The following YEATS2 variants were observed in gnomAD, a reference collection of about 807,000 sequenced individuals.
The protein encoded by YEATS2 is YEATS domain-containing protein 2.
YEATS2 carries 77 observed loss-of-function variants against 163.2 expected under a neutral mutation model. That is an observed-to-expected ratio of 0.47 (90% CI 0.39 to 0.57). The LOEUF is 0.57. Among genes scored for constraint, YEATS2 ranks in the 20% least tolerant of loss-of-function variants. YEATS2 has a pLI of 0.00. For missense variants in YEATS2, 1,549 were observed against 1,729.8 expected (o/e 0.90, Z 1.85); for synonymous variants, 631 against 645.1 (o/e 0.98, Z 0.33).
chr3:183,709,137 G>A (rs1577031885), intron 1 of YEATS2, among the ~76,000 whole-genome samples: 1 of 151,890 alleles, frequency 6.6e-6, no homozygotes, highest in African/African-American at 2.4e-5. Flanking sequence ...TCCAGCCTGG[G>A]CGACAAAAGT....
intron 22 of YEATS2, 58 bp from the exon 23 acceptor site, chr3:183,798,833 C>T: frequency 7.4e-7 from 1 of 1,345,786 alleles, no homozygotes; most frequent in Non-Finnish European, 1.1e-6. Flanking sequence ...AAGTAGATCA[C>T]CCTCATTAAA....
chr3:183,800,525 G>A lies in YEATS2; in HGVS notation c.3385G>A (p.Val1129Met), dbSNP rs1005157110. The change falls in exon 24 of 31, where the codon GTG becomes ATG. Residue 1129 changes from valine (V) to methionine (M), a missense_variant. Val to Met is a conservative substitution (Grantham distance 21, BLOSUM62 1). Transcript: ENST00000305135. ...SCLSQEGQTAVKTEESSELGN... is the reference protein window; with the variant it reads ...SCLSQEGQTAMKTEESSELGN... Reference sequence around the variant, plus strand: ...CCTCTCTCAGGAGGGTCAGACAGCAGTGAAAACAGAAGAAAGTTCTGAGCT... The same window carrying A: ...CCTCTCTCAGGAGGGTCAGACAGCAATGAAAACAGAAGAAAGTTCTGAGCT... 6.2e-7 allele frequency: 1 copy of A among 1,614,190 alleles called. No individual in the cohort carries two copies. Among genetic ancestry groups the A allele is most frequent in the Non-Finnish European group, 8.5e-7 (1 of 1,180,024 alleles).
intron 7 of YEATS2, among the ~76,000 whole-genome samples, chr3:183,733,715 T>C (rs2109140762): frequency 6.6e-6 from 1 of 152,360 alleles, no homozygotes; most frequent in African/African-American, 2.4e-5. Context: ...CCTGAATCTC[T>C]TCATCACAGC....
intron 8 of YEATS2, among the ~76,000 whole-genome samples, chr3:183,743,212 T>C (rs1560260502): frequency 6.6e-6 from 1 of 152,152 alleles, no homozygotes; most frequent in Non-Finnish European, 1.5e-5. Context: ...CTTTGAAAGG[T>C]AGAAAAATAA....
rs1726810278 is a variant in YEATS2 at position 183,811,666 on chromosome 3, G to A, written c.*1083G>A. On this transcript the variant is annotated 3_prime_UTR_variant, in exon 31 of 31. Coordinates refer to ENST00000305135, the MANE Select transcript of YEATS2 (RefSeq NM_018023.5). ...AAGCAGAGGCCCCCTCGATGGGAGG[G>A]AGTGGCAGGCAGGAGAAGGTGGCGC... 1 of 152,534 alleles carries A rather than the reference G, an allele frequency of 6.6e-6. No homozygotes were observed. Among genetic ancestry groups the A allele is most frequent in the Non-Finnish European group, 1.5e-5 (1 of 68,108 alleles). The allele number at this position is 152,534 out of a possible 1,614,324, so 9.4% of individuals were successfully genotyped here. A position where few individuals can be genotyped will look rare whatever the true frequency, so the allele number is the denominator to read the frequency against.
At chr3:183,706,909 C>T (rs1355074950) in intron 1 of YEATS2, among the ~76,000 whole-genome samples, 1 of 152,122 alleles carries the variant, frequency 6.6e-6, no homozygotes, top group African/African-American at 2.4e-5. Context: ...CAACATGATG[C>T]CACAGTGGAA....
Position 183,776,026 on chromosome 3 carries a change from G to A in YEATS2, c.2480G>A (p.Gly827Glu), listed in dbSNP as rs750359164. 2.0e-5 allele frequency: 33 copies of A among 1,613,284 alleles called. No individual in the cohort carries two copies. Among genetic ancestry groups the A allele is most frequent in the Non-Finnish European group, 2.8e-5 (33 of 1,179,838 alleles). Residue 827 changes from glycine to glutamate, a missense_variant, in exon 18 of 31, where the codon GGA becomes GAA. Physicochemically the swap from Gly to Glu is moderately conservative, Grantham distance 98. Coordinates refer to ENST00000305135, the MANE Select transcript of YEATS2 (RefSeq NM_018023.5). ...GGAGGCGGCAGCACAGGAGGAGGAG[G>A]AGGAACAGCAGGAGGAGGAACTCAA... is the stretch of plus-strand genomic sequence containing the variant. ...SGGGGSTGGGGGTAGGGTQST... is the reference protein window; with the variant it reads ...SGGGGSTGGGEGTAGGGTQST...
intron 20 of YEATS2, among the ~76,000 whole-genome samples, chr3:183,788,998 G>GT (rs1724335084): frequency 1.3e-5 from 2 of 152,120 alleles, no homozygotes; most frequent in South Asian, 4.1e-4. Context: ...CTATAGAGTT[G>GT]TTTGAGCTTC....
chr3:183,796,542 TGTG>T (rs1043193720), intron 21 of YEATS2, among the ~76,000 whole-genome samples: 2 of 149,376 alleles, frequency 1.3e-5, no homozygotes, highest in Admixed American at 1.4e-4. Context: ...AACGATGAGG[TGTG>T]GTGTGTAGAC....
chr3:183,773,476 A>G (rs577370055), intron 16 of YEATS2, among the ~76,000 whole-genome samples, 157 bp from the exon 17 acceptor site: 1 of 152,358 alleles, frequency 6.6e-6, no homozygotes, highest in East Asian at 1.9e-4. Context: ...ATATTTAAGA[A>G]TATCAGTCTT....
At chr3:183,706,498 G>A (rs1015126865) in intron 1 of YEATS2, among the ~76,000 whole-genome samples, 26 of 152,160 alleles carry the variant, frequency 1.7e-4, no homozygotes, top group African/African-American at 6.0e-4. Flanking sequence ...GATTTTGCGT[G>A]TACAGTTGGG....
At chr3:183,803,501 G>T in intron 26 of YEATS2, 166 bp downstream of exon 26, 2 of 690,074 alleles carry the variant, frequency 2.9e-6, no homozygotes, top group Non-Finnish European at 4.8e-6. Flanking sequence ...ACTTTCAGGC[G>T]TGCCTTCTTT....
chr3:183,704,289 T>TA (rs58217638), intron 1 of YEATS2, among the ~76,000 whole-genome samples: 1,793 of 152,186 alleles, frequency 0.012, 31 homozygotes, highest in African/African-American at 0.041. Flanking sequence ...TTGCTGGCAA[T>TA]AAAACTTTCC....
intron 15 of YEATS2, among the ~76,000 whole-genome samples, chr3:183,768,195 A>C (rs262955): frequency 0.47 from 70,780 of 151,952 alleles, 16,837 homozygotes; most frequent in East Asian, 0.65. Context: ...TTTTGCTCTG[A>C]CATTCTCAAA....
At position 183,752,084 on chromosome 3, in the gene YEATS2, T is replaced by C. The variant is rs2109287574; in HGVS notation, c.981T>C (p.Val327=). The part of the protein sequence containing the change: ...QTLGAETVVD[V]ELHRHSLGED... ...GCCCAATTGTCTAGGTAGTGGATGT[T>C]GAACTCCATCGCCATTCTCTCGGAG... The change falls in exon 10 of 31, where the codon GTT becomes GTC. Residue 327 remains valine, a synonymous_variant. Transcript: ENST00000305135. 1 of 1,614,114 alleles carries C rather than the reference T, an allele frequency of 6.2e-7. No individual in the cohort carries two copies. The highest frequency in any genetic ancestry group is 1.1e-5 in the South Asian group (1 of 91,080).
chr3:183,713,915 C>G (rs1715536043), intron 1 of YEATS2, among the ~76,000 whole-genome samples: 1 of 152,006 alleles, frequency 6.6e-6, no homozygotes. Flanking sequence ...AAGCAATTCT[C>G]CTGCCTCAGC....
chr3:183,734,734 G>A (rs913923920), intron 7 of YEATS2, among the ~76,000 whole-genome samples: 3 of 152,178 alleles, frequency 2.0e-5, no homozygotes, highest in Non-Finnish European at 4.4e-5. Flanking sequence ...CACTCAGAGT[G>A]ATGCTAAAAG....
At chr3:183,797,868 G>C in intron 21 of YEATS2, 55 bp from the exon 22 acceptor site, 13 of 1,609,334 alleles carry the variant, frequency 8.1e-6, no homozygotes, top group African/African-American at 1.3e-5. Flanking sequence ...GAGGATAAGA[G>C]ACTTTCCCGA....
intron 1 of YEATS2, among the ~76,000 whole-genome samples, chr3:183,702,529 C>T (rs1407130166): frequency 2.0e-5 from 3 of 151,798 alleles, no homozygotes; most frequent in Admixed American, 1.3e-4. Context: ...AAAGTTGAAC[C>T]GGTGGGGTAA....
Sources: gnomAD v4.1 joint callset for allele counts (sites outside exome capture counted in the v4.1 genomes callset) on GRCh38, gnomAD v4.1.1 for gene constraint, MANE v1.5 for transcripts, NCBI Gene and HGNC (gene_info 2026-07-23, HGNC 2026-07-21) for gene names.